RUFY1: variants seen among roughly 807,000 people sequenced by gnomAD.
RUFY1 encodes RUN and FYVE domain containing 1, also known as RUN and FYVE domain-containing protein 1.
A neutral mutation model predicts 94.6 loss-of-function variants in RUFY1; 54 were observed. That is an observed-to-expected ratio of 0.57 (90% CI 0.46 to 0.72). RUFY1 has a LOEUF of 0.72. RUFY1 is among the 30% of genes least tolerant of loss of function. The pLI is 0.00. For synonymous variants in RUFY1, 396 were observed against 347.3 expected, an observed-to-expected ratio of 1.14 and a Z score of -1.56; for missense variants, 883 against 883.9, an observed-to-expected ratio of 1.00 and a Z score of 0.01.
At chr5:179,602,633 G>A (rs1008136488) in intron 15 of RUFY1, 2 of 152,288 alleles carry the variant, frequency 1.3e-5, no homozygotes, top group African/African-American at 4.8e-5. Flanking sequence ...ATAGTGGGTA[G>A]CTTTTCTCCT....
At chr5:179,573,994 C>T (rs1763423416) in intron 5 of RUFY1, among the ~76,000 whole-genome samples, 1 of 151,890 alleles carries the variant, frequency 6.6e-6, no homozygotes, top group Non-Finnish European at 1.5e-5. Flanking sequence ...CATTGTAAAC[C>T]CTGGATTTGA....
Position 179,609,881 on chromosome 5 carries a change from C to CT in RUFY1, c.*363dup, listed in dbSNP as rs1767558218. ...CCTCTCCTACCTTCCTTCTAAAAAC[C>CT]TGATTCATGCACAGCGTTTGACACA... On this transcript the variant is annotated 3_prime_UTR_variant, in exon 18 of 18. Transcript: ENST00000319449. 5.4e-6 allele frequency: 1 copy of CT among 186,112 alleles called. No homozygotes were observed. Among genetic ancestry groups the CT allele is most frequent in the Non-Finnish European group, 1.1e-5 (1 of 90,264 alleles). 11.5% of individuals were successfully genotyped at this position (186,112 alleles called of 1,614,324 possible). A position where few individuals can be genotyped will look rare whatever the true frequency, so the allele number is the denominator to read the frequency against.
intron 1 of RUFY1, among the ~76,000 whole-genome samples, chr5:179,559,158 G>C (rs1251240378): frequency 6.6e-6 from 1 of 152,206 alleles, no homozygotes; most frequent in Non-Finnish European, 1.5e-5. Context: ...TTCCTGCCAG[G>C]ACTCTTACTT....
chr5:179,577,282 C>T (rs2127534498), intron 6 of RUFY1, 146 bp downstream of exon 6: 2 of 551,064 alleles, frequency 3.6e-6, no homozygotes, highest in East Asian at 3.0e-5. Flanking sequence ...AGCGATTCTT[C>T]TGCCTCAGCC....
rs571187283 is a variant in RUFY1, at chr5:179,609,369, C to G, written c.1984-7C>G. 7 of 1,612,862 alleles carry G rather than the reference C, an allele frequency of 4.3e-6. No individual in the cohort carries two copies. The Admixed American group carries it at 8.3e-5, about 19-fold the overall frequency. On this transcript the variant is annotated splice_region_variant and splice_polypyrimidine_tract_variant and intron_variant, in intron 17 of 17. Coordinates refer to ENST00000319449, the MANE Select transcript of RUFY1 (RefSeq NM_025158.5). ...TGTCCTGTGACCGCCTTCTTCCCGTCCTGTAGCACCACTGCCGGAACTGTG... is the reference window on the plus strand; with the variant it reads ...TGTCCTGTGACCGCCTTCTTCCCGTGCTGTAGCACCACTGCCGGAACTGTG...
At chr5:179,563,025 A>G (rs1762563385) in intron 3 of RUFY1, 2 of 169,426 alleles carry the variant, frequency 1.2e-5, no homozygotes, top group South Asian at 3.5e-4. Flanking sequence ...AGGCCCAAGG[A>G]CATTTGTAAT....
intron 16 of RUFY1, 28 bp downstream of exon 16, chr5:179,605,952 T>C (rs773411209): frequency 6.6e-7 from 1 of 1,520,422 alleles, no homozygotes; most frequent in East Asian, 2.3e-5. Context: ...ACCACTTCTT[T>C]GCTGTCAGCT....
At chr5:179,606,142 G>C (rs1043253466) in intron 16 of RUFY1, 2 of 583,464 alleles carry the variant, frequency 3.4e-6, no homozygotes, top group African/African-American at 3.8e-5. Flanking sequence ...TCCGACTCCA[G>C]TTCCTCCACC....
intron 17 of RUFY1, chr5:179,608,516 G>T (rs778194408): frequency 3.3e-5 from 33 of 985,544 alleles, no homozygotes; most frequent in Non-Finnish European, 3.9e-5. Flanking sequence ...TTTAGAAAGG[G>T]ATCTACTCCA....
At chr5:179,570,972 A>G (rs995064456) in intron 5 of RUFY1, among the ~76,000 whole-genome samples, 4 of 151,352 alleles carry the variant, frequency 2.6e-5, no homozygotes, top group Non-Finnish European at 4.4e-5. Context: ...GTGTGTGTGT[A>G]TATGTTTGTG....
chr5:179,566,770 T>G (rs1447117275), intron 3 of RUFY1, among the ~76,000 whole-genome samples: 1 of 152,148 alleles, frequency 6.6e-6, no homozygotes, highest in Non-Finnish European at 1.5e-5. Context: ...AATTATACCT[T>G]TAAGGCCAGG....
intron 1 of RUFY1, among the ~76,000 whole-genome samples, chr5:179,559,156 A>G (rs1211729247): frequency 6.6e-6 from 1 of 152,230 alleles, no homozygotes; most frequent in Non-Finnish European, 1.5e-5. Context: ...CTTTCCTGCC[A>G]GGACTCTTAC....
chr5:179,579,657 CTTTTTTTTTTT>C (rs61062422), intron 6 of RUFY1, among the ~76,000 whole-genome samples: 5 of 50,562 alleles, frequency 9.9e-5, no homozygotes, highest in Non-Finnish European at 7.5e-5. Flanking sequence ...TTTTCTTCTT[CTTTTTTTTTTT>C]TTTTTTTTTT....
intron 13 of RUFY1, among the ~76,000 whole-genome samples, chr5:179,597,115 C>T (rs537454174): frequency 1.3e-5 from 2 of 152,324 alleles, no homozygotes; most frequent in African/African-American, 2.4e-5. Flanking sequence ...TGCAGTGGTG[C>T]AGTCTCAGCT....
chr5:179,580,206 C>CGA (rs1764005386), intron 6 of RUFY1, among the ~76,000 whole-genome samples: 1 of 127,568 alleles, frequency 7.8e-6, no homozygotes, highest in Non-Finnish European at 1.6e-5. Flanking sequence ...CAAAAAATTC[C>CGA]GTGTGTGTGT....
intron 2 of RUFY1, among the ~76,000 whole-genome samples, chr5:179,561,884 C>A (rs1762488405): frequency 6.7e-6 from 1 of 149,664 alleles, no homozygotes; most frequent in Non-Finnish European, 1.5e-5. Context: ...CGGAGTTTCA[C>A]CGTGTTAGCC....
At chr5:179,596,927 C>G in intron 13 of RUFY1, 1 of 487,316 alleles carries the variant, frequency 2.1e-6, no homozygotes. Flanking sequence ...ACCATGGTAC[C>G]AGGTCACAGC....
chr5:179,555,757 A>G, intron 1 of RUFY1: 2 of 344,632 alleles, frequency 5.8e-6, no homozygotes, highest in Non-Finnish European at 1.1e-5. Flanking sequence ...CCTCCCAAGC[A>G]GCTGGGATTA....
Position 179,593,671 on chromosome 5 carries a change from C to T in RUFY1, c.1413+26C>T, listed in dbSNP as rs770917932. On this transcript the variant is annotated intron_variant, in intron 11 of 17. Coordinates refer to ENST00000319449, the MANE Select transcript of RUFY1 (RefSeq NM_025158.5). Reference sequence around the variant, plus strand: ...GTGGGAGTTGGCTTTGTGTCCATGGCACAGCCTGGTTTCTGCTGCTCGCCA... The same window carrying T: ...GTGGGAGTTGGCTTTGTGTCCATGGTACAGCCTGGTTTCTGCTGCTCGCCA... 4 of 1,606,972 alleles carry T rather than the reference C, an allele frequency of 2.5e-6. No individual in the cohort carries two copies. In the South Asian group the frequency reaches 4.4e-5, roughly 18 times the overall value.
Sources: allele counts gnomAD v4.1 joint callset (sites outside exome capture counted in the v4.1 genomes callset), GRCh38; gene constraint gnomAD v4.1.1; transcripts MANE v1.5; gene names NCBI Gene and HGNC (gene_info 2026-07-23, HGNC 2026-07-21).